The following ZNF536 variants were observed in gnomAD, a reference collection of about 807,000 sequenced individuals.
ZNF536 encodes zinc finger protein 536.
ZNF536 carries 13 observed loss-of-function variants against 84.5 expected under a neutral mutation model. That is an observed-to-expected ratio of 0.15 (90% CI 0.10 to 0.24). The LOEUF (loss-of-function observed/expected upper bound fraction) is 0.24, where lower values mean the gene tolerates loss of function less well. Ranked by LOEUF, ZNF536 falls within the 10% of genes least tolerant of loss-of-function variation. The pLI, the probability that ZNF536 is intolerant of heterozygous loss-of-function variation, is 1.00. For missense variants in ZNF536, 1,536 were observed against 1,747.5 expected (o/e 0.88, Z 2.16); for synonymous variants, 811 against 742.5 (o/e 1.09, Z -1.50).
chr19:30,548,361 C>G lies in ZNF536; in HGVS notation c.2742C>G (p.Phe914Leu), dbSNP rs781726692. The G allele has an allele frequency of 6.2e-7, 1 of 1,614,024 alleles. No individual in the cohort carries two copies. The highest frequency in any genetic ancestry group is 8.5e-7 in the Non-Finnish European group (1 of 1,179,996). Residue 914 changes from phenylalanine to leucine, a missense_variant, in exon 4 of 5, where the codon TTC (phenylalanine) becomes TTG (leucine). Transcript: ENST00000355537. ...GCATTGTGAGCAACGGTGTGAATTT[C>G]CAAGGGTCCTTGCAAGCTTTCATGG... ...YQSIVSNGVN[F>L]QGSLQAFMDS...
chr19:30,354,321 C>T (rs1043892939), intron 3 of ZNF536, among the ~76,000 whole-genome samples: 1 of 152,188 alleles, frequency 6.6e-6, no homozygotes, highest in African/African-American at 2.4e-5. Context: ...ACAGTAGCTC[C>T]AGCCTCATCA....
rs148815879 is a variant in ZNF536 at position 30,656,196 on chromosome 19, T to A, written c.170-54561T>A. Among the ~76,000 whole-genome samples the A allele has an allele frequency of 3.8e-3, 577 of 152,274 alleles. 3 individuals carry two copies. Among genetic ancestry groups the A allele is most frequent in the African/African-American group, 0.013 (555 of 41,562 alleles). The stretch of plus-strand genomic sequence containing the variant: ...TCTCCAGTGCTGTCCTTGGTGTTAC[T>A]CAAAGGAACAATTGCCTGGTCTTCT... On this transcript the variant is annotated intron_variant, in intron 1 of 1. Transcript: ENST00000592773.
intron 3 of ZNF536, among the ~76,000 whole-genome samples, chr19:30,356,101 A>G (rs1052280929): frequency 6.6e-6 from 1 of 152,256 alleles, no homozygotes; most frequent in African/African-American, 2.4e-5. Flanking sequence ...CACACACATC[A>G]GACAATGATT....
intron 1 of ZNF536, among the ~76,000 whole-genome samples, chr19:30,278,849 C>G (rs986147700): frequency 5.3e-5 from 8 of 152,204 alleles, no homozygotes; most frequent in Admixed American, 2.0e-4. Flanking sequence ...TTGTCTGCTC[C>G]TTTCGTAGCA....
chr19:30,649,549 C>CTTTTTTT lies in ZNF536; in HGVS notation c.170-61196_170-61190dup, dbSNP rs35137042. On this transcript the variant is annotated intron_variant, in intron 1 of 1. Coordinates refer to the ZNF536 transcript ENST00000592773. The stretch of plus-strand genomic sequence containing the variant: ...TGATATTTATTAAAGCAGCATTTTC[C>CTTTTTTT]TTTTTTTTTTTTTTTTTTGCTATTG... Among the ~76,000 whole-genome samples, 7 of 123,874 alleles carry CTTTTTTT rather than the reference C, an allele frequency of 5.7e-5. 1 individual carries two copies. Among genetic ancestry groups the CTTTTTTT allele is most frequent in the Non-Finnish European group, 6.9e-5 (4 of 58,382 alleles). The allele number at this position is 123,874 out of a possible 152,430, so 81.3% of individuals were successfully genotyped here.
intron 2 of ZNF536, among the ~76,000 whole-genome samples, chr19:30,520,823 T>A (rs1336534498): frequency 6.6e-6 from 1 of 152,140 alleles, no homozygotes; most frequent in Non-Finnish European, 1.5e-5. Context: ...TGGATGACCT[T>A]TTGTCCACAG....
In ZNF536 at chr19:30,470,831, G is replaced by A. The variant is rs1249633926; in HGVS notation, c.2170+25099G>A. On this transcript the variant is annotated intron_variant, in intron 2 of 4. Transcript: ENST00000355537. ...CTCCTGAGTAGCTGGGATTATAGGTGCATGCCACCACGTCCAGCTACTCTT... is the reference window on the plus strand; with the variant it reads ...CTCCTGAGTAGCTGGGATTATAGGTACATGCCACCACGTCCAGCTACTCTT... Among the ~76,000 whole-genome samples the A allele has an allele frequency of 2.6e-5, 4 of 151,856 alleles. No individual in the cohort carries two copies. In the East Asian group the frequency reaches 7.7e-4, roughly 29 times the overall value.
intron 2 of ZNF536, among the ~76,000 whole-genome samples, chr19:30,520,568 C>G (rs182744522): frequency 6.6e-6 from 1 of 151,944 alleles, no homozygotes; most frequent in East Asian, 1.9e-4. Context: ...CTGGGTTAGA[C>G]AATGTGGGAG....
At chr19:30,596,964 CTGT>C (rs766973870) in intron 1 of ZNF536, among the ~76,000 whole-genome samples, 5 of 152,132 alleles carry the variant, frequency 3.3e-5, no homozygotes, top group African/African-American at 4.8e-5. Context: ...CTTTCTGGGG[CTGT>C]TTTCTTTTGC....
chr19:30,647,957 C>T (rs2049538846), intron 1 of ZNF536, among the ~76,000 whole-genome samples: 1 of 152,200 alleles, frequency 6.6e-6, no homozygotes, highest in South Asian at 2.1e-4. Context: ...TTGGAAATCT[C>T]TCATATGAAG....
intron 1 of ZNF536, among the ~76,000 whole-genome samples, chr19:30,269,121 T>C (rs2025679950): frequency 6.6e-6 from 1 of 152,240 alleles, no homozygotes; most frequent in African/African-American, 2.4e-5. Flanking sequence ...CAATTTAGAA[T>C]GTGACTTAAG....
At chr19:30,707,863 A>G (rs2052304973) in intron 1 of ZNF536, among the ~76,000 whole-genome samples, 1 of 151,958 alleles carries the variant, frequency 6.6e-6, no homozygotes, top group African/African-American at 2.4e-5. Flanking sequence ...TACAAAAATT[A>G]GCTGGGCATG....
chr19:30,321,621 G>A (rs1411720563), intron 2 of ZNF536, among the ~76,000 whole-genome samples: 1 of 150,512 alleles, frequency 6.6e-6, no homozygotes, highest in Non-Finnish European at 1.5e-5. Context: ...TTAGAAAACA[G>A]ATGCATGGGA....
At chr19:30,443,469 C>T (rs1232668551) in intron 1 of ZNF536, 92 bp from the exon 2 acceptor site, 4 of 1,470,526 alleles carry the variant, frequency 2.7e-6, no homozygotes, top group Admixed American at 5.1e-5. Context: ...GTAGGTAAGG[C>T]ATGAAATGGA....
intron 1 of ZNF536, among the ~76,000 whole-genome samples, chr19:30,239,190 A>T (rs2023759407): frequency 1.3e-5 from 2 of 152,160 alleles, no homozygotes; most frequent in South Asian, 4.1e-4. Context: ...CCCCGGGGAA[A>T]TTTGAAACCA....
chr19:30,623,667 T>C (rs980473771), intron 1 of ZNF536, among the ~76,000 whole-genome samples: 1 of 152,204 alleles, frequency 6.6e-6, no homozygotes, highest in African/African-American at 2.4e-5. Flanking sequence ...CACTGTAGCC[T>C]CTCAGTGAGG....
At chr19:30,625,667 G>T (rs557903455) in intron 1 of ZNF536, among the ~76,000 whole-genome samples, 1 of 152,258 alleles carries the variant, frequency 6.6e-6, no homozygotes, top group African/African-American at 2.4e-5. Context: ...TAATCTCCAG[G>T]ATCCCTCATT....
In ZNF536 at chr19:30,299,570, T is replaced by C. The variant is rs1216761047; in HGVS notation, c.-120+15429T>C. On this transcript the variant is annotated intron_variant, in intron 2 of 5. Coordinates refer to the ZNF536 transcript ENST00000585628. ...GGGGAGAAGGTTTAGATTTTATATATAATAATATAAAATTTTAAGATCACA... is the reference window on the plus strand; with the variant it reads ...GGGGAGAAGGTTTAGATTTTATATACAATAATATAAAATTTTAAGATCACA... Among the ~76,000 whole-genome samples, 6 of 152,196 alleles carry C rather than the reference T, an allele frequency of 3.9e-5. No homozygotes were observed. In the East Asian group the frequency reaches 9.7e-4, roughly 24 times the overall value.
chr19:30,604,586 G>T (rs568045072), intron 1 of ZNF536, among the ~76,000 whole-genome samples: 1 of 152,244 alleles, frequency 6.6e-6, no homozygotes, highest in South Asian at 2.1e-4. Context: ...TATGATCAGA[G>T]GCACTAACTG....
Sources: gnomAD v4.1 joint callset for allele counts (sites outside exome capture counted in the v4.1 genomes callset) on GRCh38, gnomAD v4.1.1 for gene constraint, MANE v1.5 for transcripts, NCBI Gene and HGNC (gene_info 2026-07-23, HGNC 2026-07-21) for gene names.